The following TMEM45A variants were observed in gnomAD, a reference collection of about 807,000 sequenced individuals.
The protein encoded by TMEM45A is DNA polymerase-transactivated protein 4.
A neutral mutation model predicts 32.0 loss-of-function variants in TMEM45A; 25 were observed. That is an observed-to-expected ratio of 0.78 (90% CI 0.57 to 1.09). The LOEUF (loss-of-function observed/expected upper bound fraction) is 1.09. Among genes scored for constraint, TMEM45A ranks in the 50% least tolerant of loss-of-function variants. TMEM45A has a pLI of 0.00. For missense variants in TMEM45A, 302 were observed against 325.0 expected, an observed-to-expected ratio of 0.93 and a Z score of 0.54; for synonymous variants, 122 against 114.8, an observed-to-expected ratio of 1.06 and a Z score of -0.40.
In TMEM45A at chr3:100,492,755, T is replaced by TCCCCC. The variant is rs755848570; in HGVS notation, c.-175_-174insCCCCC. 174 of 143,462 alleles carry TCCCCC rather than the reference T, an allele frequency of 1.2e-3. No homozygotes were observed. Among genetic ancestry groups the TCCCCC allele is most frequent in the African/African-American group, 1.9e-3 (69 of 36,816 alleles). 8.9% of individuals were successfully genotyped at this position (143,462 alleles called of 1,614,324 possible). Reference sequence around the variant, plus strand: ...CGACTAGGGACCCAAGTTTAAAAATTCCTCCCCCCACCCAATGCGAGACGT... The same window carrying TCCCCC: ...CGACTAGGGACCCAAGTTTAAAAATTCCCCCCCTCCCCCCACCCAATGCGAGACGT... On this transcript the variant is annotated 5_prime_UTR_variant, in exon 1 of 6. Coordinates refer to ENST00000323523, the MANE Select transcript of TMEM45A (RefSeq NM_018004.3).
intron 4 of TMEM45A, among the ~76,000 whole-genome samples, chr3:100,565,020 A>G (rs1229239553): frequency 6.6e-6 from 1 of 152,200 alleles, no homozygotes; most frequent in African/African-American, 2.4e-5. Flanking sequence ...GAAAGGCTGT[A>G]TGGTGAAAAG....
intron 1 of TMEM45A, among the ~76,000 whole-genome samples, chr3:100,524,663 C>T (rs1431082458): frequency 2.0e-5 from 3 of 152,166 alleles, no homozygotes; most frequent in African/African-American, 4.8e-5. Context: ...GTCCCCACAC[C>T]ATTTCCAGGG....
At chr3:100,570,463 C>T (rs542522707) in intron 5 of TMEM45A, 2 of 152,420 alleles carry the variant, frequency 1.3e-5, no homozygotes, top group South Asian at 4.1e-4. Context: ...TTGCTTCCTT[C>T]TAGAGTTCTA....
intron 1 of TMEM45A, among the ~76,000 whole-genome samples, chr3:100,496,846 A>G (rs1707936738): frequency 6.6e-6 from 1 of 152,244 alleles, no homozygotes; most frequent in African/African-American, 2.4e-5. Context: ...AAAAAAATAA[A>G]TAGAGAGACT....
At chr3:100,517,248 C>G (rs1708278080) in intron 1 of TMEM45A, among the ~76,000 whole-genome samples, 1 of 152,142 alleles carries the variant, frequency 6.6e-6, no homozygotes, top group African/African-American at 2.4e-5. Context: ...TCCTAAGTAG[C>G]TGGGATTACA....
At chr3:100,499,891 CT>C in intron 1 of TMEM45A, among the ~76,000 whole-genome samples, 1 of 152,308 alleles carries the variant, frequency 6.6e-6, no homozygotes, top group African/African-American at 2.4e-5. Context: ...AACCCCTACA[CT>C]TTATAGCTTT....
At chr3:100,570,910 T>C (rs1226247805) in intron 5 of TMEM45A, 1 of 152,172 alleles carries the variant, frequency 6.6e-6, no homozygotes, top group African/African-American at 2.4e-5. Flanking sequence ...TGCACGTCTT[T>C]TCTATGAAAA....
intron 1 of TMEM45A, among the ~76,000 whole-genome samples, chr3:100,493,710 A>C (rs1428665173): frequency 1.3e-5 from 2 of 151,876 alleles, no homozygotes; most frequent in Non-Finnish European, 2.9e-5. Context: ...TATATACGCT[A>C]TATATTTTGT....
chr3:100,512,651 A>AT (rs1267711929), intron 1 of TMEM45A, among the ~76,000 whole-genome samples: 5 of 150,560 alleles, frequency 3.3e-5, no homozygotes, highest in African/African-American at 1.2e-4. Context: ...AAATAGAGAC[A>AT]CAAAAAACCC....
At chr3:100,535,355 T>A (rs77606851) in intron 1 of TMEM45A, among the ~76,000 whole-genome samples, 1,543 of 152,220 alleles carry the variant, frequency 0.01, 25 homozygotes, top group African/African-American at 0.036. Flanking sequence ...CCTATTTTTT[T>A]AAGAAATTAA....
chr3:100,501,172 G>T (rs185812623), intron 1 of TMEM45A, among the ~76,000 whole-genome samples: 7 of 152,324 alleles, frequency 4.6e-5, no homozygotes, highest in Admixed American at 3.9e-4. Flanking sequence ...TCTGATTTTA[G>T]TTCTCTTTTC....
At chr3:100,550,204 A>AAG (rs1706066915) in intron 1 of TMEM45A, among the ~76,000 whole-genome samples, 2 of 123,344 alleles carry the variant, frequency 1.6e-5, no homozygotes, top group Admixed American at 8.4e-5. Context: ...ATAAAAAAAA[A>AAG]AAAGAAAAAA....
intron 1 of TMEM45A, among the ~76,000 whole-genome samples, chr3:100,494,362 G>A (rs902669888): frequency 1.3e-5 from 2 of 152,138 alleles, no homozygotes; most frequent in African/African-American, 2.4e-5. Context: ...GGTGGCTCAC[G>A]CCTGTAATCC....
chr3:100,541,243 T>A (rs1289239461), intron 1 of TMEM45A, among the ~76,000 whole-genome samples: 2 of 152,220 alleles, frequency 1.3e-5, no homozygotes, highest in African/African-American at 4.8e-5. Context: ...GTTGACTGAA[T>A]AGTTTGTGAA....
intron 1 of TMEM45A, among the ~76,000 whole-genome samples, chr3:100,550,386 G>T (rs1484054705): frequency 6.6e-6 from 1 of 152,072 alleles, no homozygotes; most frequent in East Asian, 1.9e-4. Context: ...TATCCACATA[G>T]TATGTGGATA....
At chr3:100,569,461 T>A (rs57379878) in intron 5 of TMEM45A, among the ~76,000 whole-genome samples, 11,000 of 152,258 alleles carry the variant, frequency 0.072, 1,344 homozygotes, top group African/African-American at 0.25. Flanking sequence ...ACATTTTTTA[T>A]AAGAACCCCA....
At position 100,558,502 on chromosome 3, in the gene TMEM45A, C is replaced by G; in HGVS notation, c.501C>G (p.Ala167=). 6.2e-7 allele frequency: 1 copy of G among 1,614,170 alleles called. No homozygotes were observed. The highest frequency in any genetic ancestry group is 8.5e-7 in the Non-Finnish European group (1 of 1,180,022). ...TCGTCTTTCTGACAGGCCTCGTTGC[C>G]TTCCTAGAGTTCCTTGTTCGGAACA... ...VLVVFLTGLV[A]FLEFLVRNNV... Residue 167 remains alanine, a synonymous_variant, in exon 4 of 6, where the codon GCC becomes GCG. Transcript: ENST00000323523.
intron 1 of TMEM45A, among the ~76,000 whole-genome samples, chr3:100,532,507 G>A (rs1466616956): frequency 6.6e-6 from 1 of 152,194 alleles, no homozygotes; most frequent in African/African-American, 2.4e-5. Flanking sequence ...TATGCCATTC[G>A]TTGAGTAACC....
intron 4 of TMEM45A, among the ~76,000 whole-genome samples, chr3:100,559,440 A>T (rs1706285157): frequency 6.6e-6 from 1 of 152,142 alleles, no homozygotes; most frequent in South Asian, 2.1e-4. Flanking sequence ...GTCAAATGGG[A>T]TAGAAAAGAT....
Sources: allele counts gnomAD v4.1 joint callset (sites outside exome capture counted in the v4.1 genomes callset), GRCh38; gene constraint gnomAD v4.1.1; transcripts MANE v1.5; gene names NCBI Gene and HGNC (gene_info 2026-07-23, HGNC 2026-07-21).